Variants in CPNE4 observed in about 807,000 individuals in gnomAD.
CPNE4 encodes copine 4, also known as copine-4.
CPNE4 carries 25 observed loss-of-function variants against 67.9 expected under a neutral mutation model. The observed-to-expected ratio is 0.37, with a 90% CI of 0.27 to 0.51. The LOEUF is 0.51. Ranked by LOEUF, CPNE4 falls within the 20% of genes least tolerant of loss-of-function variation. The pLI, the probability that CPNE4 is intolerant of heterozygous loss-of-function variation, is 0.93. For synonymous variants in CPNE4, 242 were observed against 244.9 expected (o/e 0.99, Z 0.11); for missense variants, 464 against 690.8 (o/e 0.67, Z 3.68).
intron 12 of CPNE4, among the ~76,000 whole-genome samples, chr3:131,554,817 C>G (rs1305443679): frequency 1.3e-5 from 2 of 151,996 alleles, no homozygotes; most frequent in Non-Finnish European, 2.9e-5. Flanking sequence ...CCTGCTGTCT[C>G]TCCAAGGCCC....
At chr3:131,628,867 T>A (rs1479399414) in intron 7 of CPNE4, among the ~76,000 whole-genome samples, 1 of 122,772 alleles carries the variant, frequency 8.1e-6, no homozygotes, top group Non-Finnish European at 1.7e-5. Flanking sequence ...GATTCATTGA[T>A]TTTTTGAAGG....
chr3:131,710,307 C>G (rs557819584), intron 3 of CPNE4, among the ~76,000 whole-genome samples: 148 of 152,278 alleles, frequency 9.7e-4, no homozygotes, highest in Non-Finnish European at 4.6e-4. Context: ...ATTTCTTAGA[C>G]CTTTTGGTCC....
chr3:131,935,813 G>A (rs1345404298), intron 1 of CPNE4, among the ~76,000 whole-genome samples: 4 of 152,040 alleles, frequency 2.6e-5, no homozygotes, highest in Non-Finnish European at 5.9e-5. Flanking sequence ...AAGTTGAAGA[G>A]TTAGAGGTTT....
intron 12 of CPNE4, 63 bp downstream of exon 12, chr3:131,555,431 AAAG>A: frequency 1.4e-6 from 2 of 1,450,188 alleles, no homozygotes; most frequent in Non-Finnish European, 1.9e-6. Flanking sequence ...AGACTGCTGC[AAAG>A]AAGAGCCAAG....
At chr3:132,006,008 A>G (rs917507532) in intron 1 of CPNE4, among the ~76,000 whole-genome samples, 7 of 152,156 alleles carry the variant, frequency 4.6e-5, no homozygotes, top group Non-Finnish European at 8.8e-5. Flanking sequence ...AATGGGCAGG[A>G]AAACAGCATC....
intron 2 of CPNE4, among the ~76,000 whole-genome samples, chr3:131,855,925 T>C (rs1406183352): frequency 6.6e-6 from 1 of 152,002 alleles, no homozygotes; most frequent in Non-Finnish European, 1.5e-5. Context: ...AGTTTATTTC[T>C]GCACTTGGTC....
chr3:131,618,329 AT>A (rs1170149860), intron 7 of CPNE4, among the ~76,000 whole-genome samples: 3 of 152,238 alleles, frequency 2.0e-5, no homozygotes, highest in Admixed American at 6.5e-5. Flanking sequence ...CTATGTATAC[AT>A]TGTAGAAAGA....
intron 5 of CPNE4, among the ~76,000 whole-genome samples, chr3:131,692,412 C>G (rs922211558): frequency 6.6e-6 from 1 of 152,088 alleles, no homozygotes; most frequent in African/African-American, 2.4e-5. Flanking sequence ...TTAATGCAGA[C>G]CAGATTACAG....
chr3:131,773,530 T>C (rs1169947934), intron 2 of CPNE4, among the ~76,000 whole-genome samples: 2 of 152,024 alleles, frequency 1.3e-5, no homozygotes, highest in Non-Finnish European at 2.9e-5. Context: ...GTATTTTTAG[T>C]ACAGACAGGC....
At position 131,914,220 on chromosome 3, in the gene CPNE4, A is replaced by G. The variant is rs1018817007; in HGVS notation, c.-1-8776T>C. Among the ~76,000 whole-genome samples, 4 of 152,310 alleles carry G rather than the reference A, an allele frequency of 2.6e-5. No individual in the cohort carries two copies. The South Asian group carries it at 8.3e-4, about 32-fold the overall frequency. ...CACAAAGTGGTAAAGCAAGGATTTGAACCCAGGACCTCCAAATACAGAACT... is the reference window on the plus strand; with the variant it reads ...CACAAAGTGGTAAAGCAAGGATTTGGACCCAGGACCTCCAAATACAGAACT... On this transcript the variant is annotated intron_variant, in intron 1 of 15. Coordinates refer to ENST00000429747, the MANE Select transcript of CPNE4 (RefSeq NM_130808.3).
At chr3:131,933,615 T>C (rs1324610649) in intron 1 of CPNE4, among the ~76,000 whole-genome samples, 1 of 152,042 alleles carries the variant, frequency 6.6e-6, no homozygotes, top group East Asian at 1.9e-4. Flanking sequence ...AGCCAAGCTA[T>C]GAAATTAATT....
chr3:131,818,100 C>G lies in CPNE4; in HGVS notation c.180+87164G>C, dbSNP rs531186424. On this transcript the variant is annotated intron_variant, in intron 2 of 15. Transcript: ENST00000429747. ...TTTTTTAAATGGTCATCTGATGAGT[C>G]AATCAACAGGTGTAAATTTTTCAAT... Among the ~76,000 whole-genome samples, 3 of 152,280 alleles carry G rather than the reference C, an allele frequency of 2.0e-5. No homozygotes were observed. The South Asian group carries it at 6.2e-4, about 32-fold the overall frequency.
chr3:131,793,618 T>C (rs914820064), intron 2 of CPNE4, among the ~76,000 whole-genome samples: 2 of 152,154 alleles, frequency 1.3e-5, no homozygotes, highest in Non-Finnish European at 2.9e-5. Flanking sequence ...AATATACAAA[T>C]CTATTTCTTT....
chr3:131,708,534 T>C lies in CPNE4; in HGVS notation c.361-8554A>G, dbSNP rs79369566. Among the ~76,000 whole-genome samples the C allele has an allele frequency of 7.2e-5, 11 of 152,038 alleles. No homozygotes were observed. The East Asian group carries it at 1.7e-3, about 24-fold the overall frequency. ...AGAAAAGGGTGTGAGAGTGAGGCAG[T>C]CTTCCAAGCTGAGAACCACAGTGAT... On this transcript the variant is annotated intron_variant, in intron 3 of 15. Coordinates refer to ENST00000429747, the MANE Select transcript of CPNE4 (RefSeq NM_130808.3).
At position 131,598,152 on chromosome 3, in the gene CPNE4, G is replaced by A. The variant is rs562805953; in HGVS notation, c.682-10570C>T. ...AGCTTTAGGGATTGTAGAGGTTGCT[G>A]GGAGCTGGACAGCAGGAGACCTGAG... On this transcript the variant is annotated intron_variant, in intron 7 of 15. Coordinates refer to ENST00000429747, the MANE Select transcript of CPNE4 (RefSeq NM_130808.3). Among the ~76,000 whole-genome samples, 5 of 152,300 alleles carry A rather than the reference G, an allele frequency of 3.3e-5. No individual in the cohort carries two copies. The South Asian group carries it at 1.0e-3, about 32-fold the overall frequency.
At chr3:131,728,423 A>G (rs2082048668) in intron 2 of CPNE4, among the ~76,000 whole-genome samples, 1 of 152,178 alleles carries the variant, frequency 6.6e-6, no homozygotes, top group Admixed American at 6.5e-5. Flanking sequence ...TCTATGCTAT[A>G]TAGTTATGCA....
intron 1 of CPNE4, among the ~76,000 whole-genome samples, chr3:131,918,306 G>A (rs1185696362): frequency 6.6e-6 from 1 of 152,060 alleles, no homozygotes; most frequent in Non-Finnish European, 1.5e-5. Flanking sequence ...CTTAATGCTG[G>A]AAGTCCCAGA....
chr3:131,953,743 G>C (rs1023121202), intron 1 of CPNE4, among the ~76,000 whole-genome samples: 14 of 152,278 alleles, frequency 9.2e-5, no homozygotes, highest in Middle Eastern at 3.4e-3. Flanking sequence ...CTTATCAAAA[G>C]GTGGGAAGGA....
chr3:131,785,435 G>T (rs936026083), intron 2 of CPNE4, among the ~76,000 whole-genome samples: 2 of 151,928 alleles, frequency 1.3e-5, no homozygotes, highest in Non-Finnish European at 2.9e-5. Flanking sequence ...GAGGCCTACT[G>T]TGACGCCATG....
Sources: allele counts gnomAD v4.1 joint callset (sites outside exome capture counted in the v4.1 genomes callset), GRCh38; gene constraint gnomAD v4.1.1; transcripts MANE v1.5; gene names NCBI Gene and HGNC (gene_info 2026-07-23, HGNC 2026-07-21).